The following RBFOX1 variants were observed in gnomAD, a reference collection of about 807,000 sequenced individuals.
The protein encoded by RBFOX1 is RNA binding fox-1 homolog 1.
A neutral mutation model predicts 57.7 loss-of-function variants in RBFOX1; 8 were observed. That is an observed-to-expected ratio of 0.14 (90% confidence interval 0.08 to 0.25). RBFOX1 has a LOEUF of 0.25. Ranked by LOEUF, RBFOX1 falls within the 10% of genes least tolerant of loss-of-function variation. RBFOX1 has a pLI of 1.00. For missense variants in RBFOX1, 611 were observed against 548.5 expected (o/e 1.11, Z -1.14); for synonymous variants, 326 against 222.4 (o/e 1.47, Z -4.15).
At chr16:6,939,148 C>T (rs6500887) in intron 3 of RBFOX1, among the ~76,000 whole-genome samples, 17,751 of 152,024 alleles carry the variant, frequency 0.12, 3,415 homozygotes, top group African/African-American at 0.4. Context: ...ACACCACTAA[C>T]TAATGGCATA....
chr16:6,019,655 C>A lies in RBFOX1; in HGVS notation c.-464C>A. 7.7e-7 allele frequency: 1 copy of A among 1,301,678 alleles called. No individual in the cohort carries two copies. The highest frequency in any genetic ancestry group is 9.8e-7 in the Non-Finnish European group (1 of 1,024,982). The allele number at this position is 1,301,678 out of a possible 1,614,324, so 80.6% of individuals were successfully genotyped here. Reference sequence around the variant, plus strand: ...CTGGAGGGGACAGCCAGCCGTGGGCCCCGCCCCGGCGTCCGGAGCAGGAGA... The same window carrying A: ...CTGGAGGGGACAGCCAGCCGTGGGCACCGCCCCGGCGTCCGGAGCAGGAGA... On this transcript the variant is annotated 5_prime_UTR_variant, in exon 1 of 16. Coordinates refer to ENST00000550418, the MANE Select transcript of RBFOX1 (RefSeq NM_018723.4). The surrounding 1 kb of genome is among the most constrained non-coding windows in gnomAD (Gnocchi z 4.2).
intron 3 of RBFOX1, among the ~76,000 whole-genome samples, chr16:6,843,572 C>T (rs1034737268): frequency 6.6e-6 from 1 of 152,020 alleles, no homozygotes; most frequent in Non-Finnish European, 1.5e-5. Context: ...ACCTGTAGTC[C>T]CAGCTACTCA....
At chr16:6,795,559 A>T (rs537456989) in intron 3 of RBFOX1, among the ~76,000 whole-genome samples, 1 of 152,204 alleles carries the variant, frequency 6.6e-6, no homozygotes, top group African/African-American at 2.4e-5. Flanking sequence ...CGAGGTCACA[A>T]GTTCAAGACC....
At chr16:6,589,416 C>T (rs2097678727) in intron 2 of RBFOX1, among the ~76,000 whole-genome samples, 1 of 152,110 alleles carries the variant, frequency 6.6e-6, no homozygotes, top group Admixed American at 6.6e-5. Flanking sequence ...GGTAGGGGGT[C>T]AGAAAGTGGA....
intron 3 of RBFOX1, among the ~76,000 whole-genome samples, chr16:5,818,441 C>T (rs762629543): frequency 6.6e-6 from 1 of 152,184 alleles, no homozygotes; most frequent in Admixed American, 6.5e-5. Flanking sequence ...GAACAGAGAG[C>T]TCTGCCTTTC....
chr16:6,839,607 G>A (rs145848013), intron 3 of RBFOX1, among the ~76,000 whole-genome samples: 238 of 152,222 alleles, frequency 1.6e-3, no homozygotes, highest in African/African-American at 5.2e-3. Flanking sequence ...TGTCTTTCGG[G>A]GACCTTGGTA....
chr16:6,483,019 C>G (rs895400299), intron 2 of RBFOX1, among the ~76,000 whole-genome samples: 1 of 152,238 alleles, frequency 6.6e-6, no homozygotes, highest in East Asian at 1.9e-4. Flanking sequence ...GGAAGGGACA[C>G]GTGCGGGCGA....
intron 1 of RBFOX1, among the ~76,000 whole-genome samples, chr16:6,123,308 A>C (rs1221621167): frequency 6.6e-6 from 1 of 152,268 alleles, no homozygotes; most frequent in Non-Finnish European, 1.5e-5. Context: ...ATACAGTGGA[A>C]AATCATTTGT....
At chr16:6,146,599 C>T (rs1310991275) in intron 1 of RBFOX1, among the ~76,000 whole-genome samples, 2 of 152,144 alleles carry the variant, frequency 1.3e-5, no homozygotes, top group East Asian at 3.9e-4. Context: ...GAGTAGGTGA[C>T]TGTTTTCACA....
At chr16:6,079,976 C>T (rs184761164) in intron 1 of RBFOX1, among the ~76,000 whole-genome samples, 17 of 152,252 alleles carry the variant, frequency 1.1e-4, no homozygotes, top group African/African-American at 4.1e-4. Context: ...ATTCTTAAAC[C>T]ATTTGTGATT....
At chr16:7,649,420 A>C (rs1212495633) in intron 11 of RBFOX1, among the ~76,000 whole-genome samples, 1 of 152,198 alleles carries the variant, frequency 6.6e-6, no homozygotes, top group Non-Finnish European at 1.5e-5. Context: ...TGTTTCCTTA[A>C]CCACAAACAT....
intron 4 of RBFOX1, among the ~76,000 whole-genome samples, chr16:7,252,405 C>T (rs564535703): frequency 4.9e-4 from 74 of 152,354 alleles, no homozygotes; most frequent in African/African-American, 1.4e-3. Flanking sequence ...CAGAGGTCTT[C>T]AACTGACAGT....
intron 2 of RBFOX1, among the ~76,000 whole-genome samples, chr16:6,622,367 G>A (rs932035869): frequency 6.6e-6 from 1 of 152,124 alleles, no homozygotes; most frequent in African/African-American, 2.4e-5. Context: ...TGTATAGATA[G>A]ATTTAGATAC....
intron 11 of RBFOX1, among the ~76,000 whole-genome samples, chr16:7,641,253 A>T (rs984436994): frequency 2.0e-5 from 3 of 152,192 alleles, no homozygotes; most frequent in African/African-American, 7.2e-5. Context: ...TCTTTTCTAA[A>T]ATAAATCTCA....
intron 3 of RBFOX1, among the ~76,000 whole-genome samples, chr16:6,970,110 C>G (rs1247130113): frequency 6.6e-6 from 1 of 151,602 alleles, no homozygotes; most frequent in Non-Finnish European, 1.5e-5. Flanking sequence ...CCTAGGGGTT[C>G]AAGACTGAAG....
At chr16:6,786,415 T>C (rs538842299) in intron 3 of RBFOX1, among the ~76,000 whole-genome samples, 4 of 152,180 alleles carry the variant, frequency 2.6e-5, no homozygotes, top group Non-Finnish European at 4.4e-5. Context: ...TGCATCATTT[T>C]TCAGGAGGTA....
At chr16:7,637,833 AG>A (rs2062027312) in intron 11 of RBFOX1, among the ~76,000 whole-genome samples, 1 of 152,214 alleles carries the variant, frequency 6.6e-6, no homozygotes, top group South Asian at 2.1e-4. Context: ...CAAAGATTAA[AG>A]GGGTATCCAA....
chr16:6,455,268 G>T (rs374745578), intron 2 of RBFOX1, among the ~76,000 whole-genome samples: 1 of 152,024 alleles, frequency 6.6e-6, no homozygotes, highest in Non-Finnish European at 1.5e-5. Context: ...TCAGTCTACT[G>T]GTGTCTGAGA....
intron 4 of RBFOX1, among the ~76,000 whole-genome samples, chr16:7,413,530 C>T (rs1022975698): frequency 6.6e-6 from 1 of 152,046 alleles, no homozygotes; most frequent in Non-Finnish European, 1.5e-5. Context: ...CTGAGATGCC[C>T]TCTGTCTCCT....
Sources: allele counts gnomAD v4.1 joint callset (sites outside exome capture counted in the v4.1 genomes callset), GRCh38; gene constraint gnomAD v4.1.1; non-coding constraint Gnocchi (gnomAD v3.1); transcripts MANE v1.5; gene names NCBI Gene and HGNC (gene_info 2026-07-23, HGNC 2026-07-21).